PARP15: variants seen among roughly 807,000 people sequenced by gnomAD.
PARP15 encodes the protein protein mono-ADP-ribosyltransferase PARP15.
In PARP15, 50 loss-of-function variants were observed where a neutral mutation model predicts 62.1. The ratio of observed to expected loss-of-function variants is 0.81; its 90% CI spans 0.64 to 1.02. The LOEUF is 1.02. Ranked by LOEUF, PARP15 falls within the 50% of genes least tolerant of loss-of-function variation. PARP15 has a pLI of 0.00. For missense variants in PARP15, 820 were observed against 826.5 expected (o/e 0.99, Z 0.10); for synonymous variants, 309 against 293.1 (o/e 1.05, Z -0.55).
chr3:122,626,843 C>A lies in PARP15; in HGVS notation c.1248C>A (p.Asn416Lys). 6.2e-7 allele frequency: 1 copy of A among 1,609,160 alleles called. No homozygotes were observed. Among genetic ancestry groups the A allele is most frequent in the African/African-American group, 1.3e-5 (1 of 74,744 alleles). ...TTTTTTCAGGAAATGCCGGAAAAAA[C>A]CCTATCACAGTTGCTGATAACATAA... ...PAIGTGNAGK[N>K]PITVADNIID... Residue 416 changes from asparagine (N) to lysine (K), a missense_variant, in exon 9 of 12, where the codon AAC (asparagine) becomes AAA (lysine). Physicochemically the swap from Asn to Lys is moderately conservative, Grantham distance 94. Transcript: ENST00000464300.
chr3:122,626,645 T>TG (rs1936746915), intron 8 of PARP15, among the ~76,000 whole-genome samples, 182 bp from the exon 9 acceptor site: 1 of 152,206 alleles, frequency 6.6e-6, no homozygotes, highest in African/African-American at 2.4e-5. Flanking sequence ...AGTGGTTACA[T>TG]GGATGATGTA....
intron 1 of PARP15, among the ~76,000 whole-genome samples, chr3:122,595,028 CT>C (rs1559936030): frequency 6.6e-6 from 1 of 152,146 alleles, no homozygotes; most frequent in East Asian, 1.9e-4. Flanking sequence ...GGTTATTCAG[CT>C]TTTAATGCAT....
Position 122,635,991 on chromosome 3 carries a change from C to A in PARP15, c.1928C>A (p.Pro643His). The A allele has an allele frequency of 1.2e-6, 2 of 1,614,086 alleles. No homozygotes were observed. The highest frequency in any genetic ancestry group is 1.7e-6 in the Non-Finnish European group (2 of 1,180,020). ...VTPPPKNPHN[P>H]TDLFDSVTNN... The stretch of plus-strand genomic sequence containing the variant: ...CCTCCACCCAAGAATCCTCACAATC[C>A]CACAGATCTCTTTGACTCAGTGACA... The change falls in exon 12 of 12, where the codon CCC (proline) becomes CAC (histidine). Residue 643 changes from proline to histidine, a missense_variant. This residue lies in a region of PARP15 where 84 missense variants were observed against 79.7 expected (regional missense o/e 1.05). Coordinates refer to ENST00000464300, the MANE Select transcript of PARP15 (RefSeq NM_001113523.3).
At chr3:122,621,322 G>A in intron 7 of PARP15, 122 bp from the exon 8 acceptor site, 1 of 1,057,866 alleles carries the variant, frequency 9.5e-7, no homozygotes, top group Non-Finnish European at 1.3e-6. Context: ...AAACCAACAA[G>A]CTCGAGTGAG....
At chr3:122,634,936 A>T in intron 10 of PARP15, 84 bp from the exon 11 acceptor site, 1 of 1,338,390 alleles carries the variant, frequency 7.5e-7, no homozygotes, top group Non-Finnish European at 1.0e-6. Context: ...TCTTTTTCAT[A>T]TTGCTTATTT....
chr3:122,578,638 G>C lies in PARP15; in HGVS notation c.186+785G>C, dbSNP rs567984994. ...GCTTTGCTGTATGTTTTAATGTCAG[G>C]GCTAGTCTTCCTAGAGAGTGCTTCC... On this transcript the variant is annotated intron_variant, in intron 1 of 11. Transcript: ENST00000464300. Among the ~76,000 whole-genome samples the C allele has an allele frequency of 2.1e-4, 32 of 151,812 alleles. No individual in the cohort carries two copies. The East Asian group carries it at 5.4e-3, about 26-fold the overall frequency.
rs1410840120 is a variant in PARP15, at chr3:122,638,446, T to G, written c.*2346T>G. On this transcript the variant is annotated 3_prime_UTR_variant, in exon 12 of 12. Transcript: ENST00000464300. ...GTAAAAGTGTTCCTATTTCTCCACA[T>G]CCTCTCCAGCACCTGTTGCTTCCTA... is the stretch of plus-strand genomic sequence containing the variant. 3 of 152,180 alleles carry G rather than the reference T, an allele frequency of 2.0e-5. No individual in the cohort carries two copies. Among genetic ancestry groups the G allele is most frequent in the African/African-American group, 4.8e-5 (2 of 41,440 alleles). The allele number at this position is 152,180 out of a possible 1,614,324, so 9.4% of individuals were successfully genotyped here.
chr3:122,620,685 G>A (rs1203820971), intron 7 of PARP15, among the ~76,000 whole-genome samples: 1 of 151,730 alleles, frequency 6.6e-6, no homozygotes, highest in Non-Finnish European at 1.5e-5. Flanking sequence ...AGAGGATGAA[G>A]GTGGGCTGGA....
intron 1 of PARP15, among the ~76,000 whole-genome samples, chr3:122,600,792 CTT>C (rs61033541): frequency 2.1e-5 from 3 of 144,040 alleles, no homozygotes; most frequent in Non-Finnish European, 3.1e-5. Flanking sequence ...TCATTATTAC[CTT>C]TTTTTTTTTT....
intron 2 of PARP15, among the ~76,000 whole-genome samples, chr3:122,608,429 TG>T (rs768460968): frequency 1.7e-4 from 26 of 152,128 alleles, no homozygotes; most frequent in Non-Finnish European, 3.1e-4. Flanking sequence ...TTGGCCAGGC[TG>T]GTCTCGAACT....
intron 7 of PARP15, among the ~76,000 whole-genome samples, chr3:122,620,594 G>A (rs1284570666): frequency 1.3e-5 from 2 of 152,184 alleles, no homozygotes; most frequent in Non-Finnish European, 2.9e-5. Flanking sequence ...AGCAAAGGAA[G>A]GTAATATTTG....
intron 9 of PARP15, among the ~76,000 whole-genome samples, chr3:122,629,000 G>A (rs1936903461): frequency 6.6e-6 from 1 of 152,146 alleles, no homozygotes; most frequent in African/African-American, 2.4e-5. Flanking sequence ...TGAGTCCAGA[G>A]ATTACTTATT....
intron 3 of PARP15, among the ~76,000 whole-genome samples, chr3:122,611,210 A>C (rs148445543): frequency 0.016 from 2,371 of 152,300 alleles, 61 homozygotes; most frequent in African/African-American, 0.052. Flanking sequence ...CACCTCCACT[A>C]CCAGTTTAAT....
chr3:122,628,824 A>T (rs986627192), intron 9 of PARP15, among the ~76,000 whole-genome samples: 1 of 152,242 alleles, frequency 6.6e-6, no homozygotes, highest in Non-Finnish European at 1.5e-5. Flanking sequence ...AATAATACAG[A>T]TGAAATATCA....
rs536817819 is a variant in PARP15 at position 122,598,563 on chromosome 3, G to A, written c.187-7373G>A. Among the ~76,000 whole-genome samples the A allele has an allele frequency of 1.1e-4, 17 of 152,308 alleles. No individual in the cohort carries two copies. The South Asian group carries it at 3.5e-3, about 32-fold the overall frequency. On this transcript the variant is annotated intron_variant, in intron 1 of 11. Transcript: ENST00000464300. ...TTGAGTTATCTGTGGGAGGAAGAGG[G>A]AAAGAGAGAGAGAGAAAGAGAGGCC...
chr3:122,623,833 T>A (rs1936506770), intron 8 of PARP15, among the ~76,000 whole-genome samples: 1 of 152,180 alleles, frequency 6.6e-6, no homozygotes, highest in Non-Finnish European at 1.5e-5. Flanking sequence ...CCCCATTGAT[T>A]TCAACGGACA....
chr3:122,581,235 AT>A (rs2080796245), intron 1 of PARP15, among the ~76,000 whole-genome samples: 1 of 152,160 alleles, frequency 6.6e-6, no homozygotes, highest in Non-Finnish European at 1.5e-5. Flanking sequence ...CAGAACTGGG[AT>A]TGCTGGATCA....
intron 1 of PARP15, among the ~76,000 whole-genome samples, chr3:122,585,769 A>C (rs749834704): frequency 7.2e-5 from 11 of 152,232 alleles, no homozygotes; most frequent in Non-Finnish European, 1.6e-4. Context: ...TGGACTCCAT[A>C]AACTGCCATC....
chr3:122,595,983 T>C (rs931299054), intron 1 of PARP15, among the ~76,000 whole-genome samples: 3 of 152,170 alleles, frequency 2.0e-5, no homozygotes, highest in Non-Finnish European at 4.4e-5. Context: ...TCAGTTTTTA[T>C]CTGCAGTCAA....
Sources: gnomAD v4.1 joint callset for allele counts (sites outside exome capture counted in the v4.1 genomes callset) on GRCh38, gnomAD v4.1.1 for gene constraint, gnomAD v4.1.1 regional missense constraint, MANE v1.5 for transcripts, NCBI Gene and HGNC (gene_info 2026-07-23, HGNC 2026-07-21) for gene names.